The following APP variants were observed in gnomAD, a reference collection of about 807,000 sequenced individuals.
APP encodes the protein amyloid beta precursor protein, also known as amyloid-beta precursor protein.
APP carries 31 observed loss-of-function variants against 101.4 expected under a neutral mutation model. The ratio of observed to expected loss-of-function variants is 0.31; its 90% CI spans 0.23 to 0.41. The LOEUF is 0.41. Ranked by LOEUF, APP falls within the 10% of genes least tolerant of loss-of-function variation. The probability of loss-of-function intolerance (pLI) is 1.00; values close to 1 mark genes in which losing one functional copy is unlikely to be tolerated. For missense variants in APP, 839 were observed against 1,003.7 expected, an observed-to-expected ratio of 0.84 and a Z score of 2.22; for synonymous variants, 366 against 364.4, an observed-to-expected ratio of 1.00 and a Z score of -0.05.
intron 2 of APP, among the ~76,000 whole-genome samples, chr21:26,108,756 C>T (rs916254805): frequency 3.3e-5 from 5 of 151,910 alleles, no homozygotes; most frequent in Non-Finnish European, 5.9e-5. Context: ...TGGTGGCAGG[C>T]GCCTATAATC....
chr21:26,089,195 C>T (rs1009209008), intron 3 of APP, among the ~76,000 whole-genome samples: 1 of 152,070 alleles, frequency 6.6e-6, no homozygotes, highest in Non-Finnish European at 1.5e-5. Context: ...TGTAAGATAC[C>T]AGAGCAAAGA....
At chr21:26,005,376 T>A (rs534906523) in intron 6 of APP, among the ~76,000 whole-genome samples, 60 of 152,274 alleles carry the variant, frequency 3.9e-4, no homozygotes, top group Middle Eastern at 3.4e-3. Flanking sequence ...ATAGTGCCAC[T>A]GCACTCCAGC....
At chr21:25,956,222 T>C (rs1284923901) in intron 11 of APP, among the ~76,000 whole-genome samples, 2 of 152,196 alleles carry the variant, frequency 1.3e-5, no homozygotes, top group African/African-American at 4.8e-5. Flanking sequence ...AACAGGAAAT[T>C]TAACCACTAT....
At chr21:26,064,052 A>G (rs1476973038) in intron 3 of APP, among the ~76,000 whole-genome samples, 1 of 152,220 alleles carries the variant, frequency 6.6e-6, no homozygotes, top group East Asian at 1.9e-4. Context: ...CACAGAGGGG[A>G]ATCCTACAAA....
chr21:26,056,855 CT>C (rs1206123220), intron 3 of APP, among the ~76,000 whole-genome samples: 1 of 152,094 alleles, frequency 6.6e-6, no homozygotes, highest in Non-Finnish European at 1.5e-5. Flanking sequence ...GCTTACATTA[CT>C]TTTAAAATTT....
chr21:26,053,875 T>G (rs1420222970), intron 3 of APP, among the ~76,000 whole-genome samples: 1 of 152,210 alleles, frequency 6.6e-6, no homozygotes, highest in East Asian at 1.9e-4. Context: ...GAGAGTTTAA[T>G]TCAGTTTATT....
chr21:26,016,934 G>T (rs1236863431), intron 6 of APP, among the ~76,000 whole-genome samples: 2 of 109,234 alleles, frequency 1.8e-5, no homozygotes, highest in African/African-American at 1.0e-4. Flanking sequence ...ACTTTGTGGG[G>T]GGCGGGGGGC....
At chr21:26,062,845 C>T (rs912819681) in intron 3 of APP, among the ~76,000 whole-genome samples, 3 of 152,072 alleles carry the variant, frequency 2.0e-5, no homozygotes, top group African/African-American at 7.2e-5. Context: ...TCACTGCAGC[C>T]TTGACTTCCT....
chr21:25,899,281 T>G (rs781182583), intron 15 of APP, among the ~76,000 whole-genome samples: 15 of 152,192 alleles, frequency 9.9e-5, no homozygotes, highest in Non-Finnish European at 1.9e-4. Flanking sequence ...GAACTTGGAC[T>G]TGGGTAGCAA....
chr21:25,996,809 G>A (rs1188970720), intron 8 of APP, among the ~76,000 whole-genome samples: 1 of 152,168 alleles, frequency 6.6e-6, no homozygotes, highest in Non-Finnish European at 1.5e-5. Context: ...AACAAGTCCT[G>A]TATAGCAGCA....
intron 13 of APP, among the ~76,000 whole-genome samples, chr21:25,953,731 C>T (rs2041193133): frequency 6.6e-6 from 1 of 152,168 alleles, no homozygotes; most frequent in South Asian, 2.1e-4. Flanking sequence ...TGGCAGCTGA[C>T]AGAGACTCAT....
intron 2 of APP, among the ~76,000 whole-genome samples, chr21:26,108,367 T>C (rs2062231951): frequency 1.3e-5 from 2 of 152,242 alleles, no homozygotes; most frequent in South Asian, 4.1e-4. Context: ...ATCTTTGAGA[T>C]ACGGTATCTA....
chr21:26,020,802 T>C (rs1211877952), intron 6 of APP, among the ~76,000 whole-genome samples: 2 of 152,212 alleles, frequency 1.3e-5, no homozygotes, highest in Non-Finnish European at 2.9e-5. Context: ...TTCTGTAACA[T>C]TTGGTCATTT....
chr21:25,984,972 T>C lies in APP; in HGVS notation c.1091-2495A>G, dbSNP rs893652235. On this transcript the variant is annotated intron_variant, in intron 8 of 17. Coordinates refer to ENST00000346798, the MANE Select transcript of APP (RefSeq NM_000484.4). ...AACTGGAATCATAAAACTTACTATA[T>C]AAGAAGGAAATTTTTTCAGCTCCTA... Among the ~76,000 whole-genome samples the C allele has an allele frequency of 4.6e-5, 7 of 152,158 alleles. No individual in the cohort carries two copies. In the South Asian group the frequency reaches 1.0e-3, roughly 23 times the overall value.
intron 1 of APP, among the ~76,000 whole-genome samples, chr21:26,120,864 T>A (rs1054828664): frequency 6.6e-6 from 1 of 152,190 alleles, no homozygotes; most frequent in African/African-American, 2.4e-5. Flanking sequence ...ATAATTATAC[T>A]TCTCCCAGCA....
chr21:26,009,887 C>T, intron 6 of APP: 1 of 173,728 alleles, frequency 5.8e-6, no homozygotes, highest in Non-Finnish European at 1.2e-5. Context: ...CGTGCCTGGC[C>T]AGAATGTACT....
At chr21:26,129,911 CT>C (rs1275055753) in intron 1 of APP, among the ~76,000 whole-genome samples, 2 of 152,188 alleles carry the variant, frequency 1.3e-5, no homozygotes, top group African/African-American at 4.8e-5. Context: ...GAGGGAAGGT[CT>C]TTAGAAAATC....
chr21:26,091,893 G>T (rs1037577685), intron 2 of APP, among the ~76,000 whole-genome samples: 1 of 152,158 alleles, frequency 6.6e-6, no homozygotes, highest in African/African-American at 2.4e-5. Flanking sequence ...TCCTTGGAGG[G>T]AGAACAAGGT....
At chr21:25,896,447 AAAG>A (rs1288014682) in intron 16 of APP, among the ~76,000 whole-genome samples, 2 of 152,206 alleles carry the variant, frequency 1.3e-5, no homozygotes, top group East Asian at 3.9e-4. Flanking sequence ...AAACAAAACA[AAAG>A]AAGTGCCTGA....
Sources: gnomAD v4.1 joint callset for allele counts (sites outside exome capture counted in the v4.1 genomes callset) on GRCh38, gnomAD v4.1.1 for gene constraint, MANE v1.5 for transcripts, NCBI Gene and HGNC (gene_info 2026-07-23, HGNC 2026-07-21) for gene names.